The following TBC1D32 variants were observed in gnomAD, a reference collection of about 807,000 sequenced individuals.
TBC1D32 encodes TBC1 domain family member 32.
TBC1D32 carries 151 observed loss-of-function variants against 170.3 expected under a neutral mutation model. The observed-to-expected ratio is 0.89, with a 90% CI of 0.78 to 1.01. TBC1D32 has a LOEUF of 1.01. TBC1D32 is among the 50% of genes least tolerant of loss of function. The probability of loss-of-function intolerance (pLI) is 0.00; values close to 1 mark genes in which losing one functional copy is unlikely to be tolerated. For missense variants in TBC1D32, 1,464 were observed against 1,457.1 expected, an observed-to-expected ratio of 1.00 and a Z score of -0.08; for synonymous variants, 498 against 488.0, an observed-to-expected ratio of 1.02 and a Z score of -0.27.
chr6:121,085,725 G>T (rs571714905), intron 31 of TBC1D32, among the ~76,000 whole-genome samples: 126 of 152,170 alleles, frequency 8.3e-4, no homozygotes, highest in Non-Finnish European at 1.4e-3. Flanking sequence ...CTTAGGACCA[G>T]AGAGTTTATA....
At chr6:121,124,381 A>G (rs998343044) in intron 26 of TBC1D32, among the ~76,000 whole-genome samples, 2 of 151,970 alleles carry the variant, frequency 1.3e-5, no homozygotes, top group African/African-American at 4.8e-5. Flanking sequence ...CTTGTCCTGT[A>G]AAGTATCTGT....
chr6:121,099,532 A>G (rs1205330075), intron 30 of TBC1D32, among the ~76,000 whole-genome samples: 1 of 151,940 alleles, frequency 6.6e-6, no homozygotes, highest in African/African-American at 2.4e-5. Context: ...TTCACTAATC[A>G]ACCAATTCCT....
rs9482132 is a variant in TBC1D32 at position 121,334,438 on chromosome 6, G to A, written c.-8C>T. The A allele has an allele frequency of 5.8e-3, 9,300 of 1,611,884 alleles. 534 individuals are homozygous for A. The African/African-American group carries it at 0.11, about 19-fold the overall frequency. On this transcript the variant is annotated 5_prime_UTR_variant, in exon 1 of 32. Coordinates refer to ENST00000398212, the MANE Select transcript of TBC1D32 (RefSeq NM_152730.6). ...GCTGGAGAAATGGGCCATCCTGTTG[G>A]AATCAAACGTCCACTCTCATTACTC...
At chr6:121,106,838 C>G (rs1778737551) in intron 29 of TBC1D32, among the ~76,000 whole-genome samples, 3 of 151,840 alleles carry the variant, frequency 2.0e-5, no homozygotes, top group Non-Finnish European at 2.9e-5. Flanking sequence ...TGAATATATA[C>G]ACACATCTAT....
chr6:121,289,377 A>G (rs936457214), intron 12 of TBC1D32, among the ~76,000 whole-genome samples: 1 of 152,104 alleles, frequency 6.6e-6, no homozygotes, highest in African/African-American at 2.4e-5. Flanking sequence ...AAACAGCCAA[A>G]TCATGAGTGA....
intron 24 of TBC1D32, among the ~76,000 whole-genome samples, chr6:121,136,042 C>T (rs542263851): frequency 2.6e-5 from 4 of 152,152 alleles, no homozygotes; most frequent in African/African-American, 9.6e-5. Context: ...ACTCCCCTAA[C>T]ATGAATAAAA....
intron 17 of TBC1D32, among the ~76,000 whole-genome samples, chr6:121,250,250 T>C (rs1054640914): frequency 6.6e-6 from 1 of 152,088 alleles, no homozygotes; most frequent in Non-Finnish European, 1.5e-5. Context: ...GCCAGCATCA[T>C]CCTGATACCA....
intron 22 of TBC1D32, among the ~76,000 whole-genome samples, chr6:121,187,102 T>C (rs958852344): frequency 6.6e-6 from 1 of 151,678 alleles, no homozygotes; most frequent in African/African-American, 2.4e-5. Context: ...AGAAAAAAAA[T>C]TGGGGAAGGA....
intron 23 of TBC1D32, among the ~76,000 whole-genome samples, chr6:121,160,449 G>T (rs911367131): frequency 3.4e-5 from 5 of 147,574 alleles, no homozygotes; most frequent in African/African-American, 7.3e-5. Flanking sequence ...ACTTTTTCTC[G>T]TGCTGTCAGT....
chr6:121,249,739 A>G (rs535103224), intron 17 of TBC1D32, among the ~76,000 whole-genome samples: 36 of 151,958 alleles, frequency 2.4e-4, no homozygotes, highest in Admixed American at 1.6e-3. Context: ...AAAAACAAAA[A>G]CCAAAACAAA....
At chr6:121,155,878 T>C (rs1184501786) in intron 24 of TBC1D32, among the ~76,000 whole-genome samples, 1 of 152,058 alleles carries the variant, frequency 6.6e-6, no homozygotes, top group African/African-American at 2.4e-5. Flanking sequence ...GAATTAACTT[T>C]TGCTGCTGGA....
intron 30 of TBC1D32, among the ~76,000 whole-genome samples, chr6:121,100,512 G>A (rs1448822353): frequency 2.0e-5 from 3 of 151,848 alleles, no homozygotes; most frequent in African/African-American, 7.2e-5. Flanking sequence ...ATCCCTTTCA[G>A]AAATAAAGAT....
At chr6:121,215,208 C>G (rs771702774) in intron 21 of TBC1D32, among the ~76,000 whole-genome samples, 3 of 152,218 alleles carry the variant, frequency 2.0e-5, no homozygotes, top group Non-Finnish European at 2.9e-5. Context: ...GGAAAAAGCA[C>G]TGTAAGTCCT....
At chr6:121,250,996 A>G (rs1397290074) in intron 17 of TBC1D32, among the ~76,000 whole-genome samples, 1 of 152,146 alleles carries the variant, frequency 6.6e-6, no homozygotes, top group Non-Finnish European at 1.5e-5. Context: ...CGAGGAAAAT[A>G]AAATACCTAG....
chr6:121,098,192 G>GAATAATAAT (rs150038060), intron 30 of TBC1D32, among the ~76,000 whole-genome samples: 11 of 148,822 alleles, frequency 7.4e-5, no homozygotes, highest in South Asian at 2.1e-4. Flanking sequence ...ACTTAAAGTA[G>GAATAATAAT]AATAATAATA....
intron 12 of TBC1D32, among the ~76,000 whole-genome samples, chr6:121,290,195 C>A (rs9401388): frequency 0.66 from 100,463 of 152,042 alleles, 38,213 homozygotes; most frequent in Non-Finnish European, 0.85. Flanking sequence ...AAGAAACTAC[C>A]ATCAGAGTCA....
chr6:121,280,967 C>T (rs1802906677), intron 14 of TBC1D32, among the ~76,000 whole-genome samples: 1 of 151,948 alleles, frequency 6.6e-6, no homozygotes, highest in East Asian at 1.9e-4. Flanking sequence ...AAACTAGTGA[C>T]AATAGCAACT....
chr6:121,297,948 C>G (rs955057667), intron 10 of TBC1D32, among the ~76,000 whole-genome samples: 1 of 151,966 alleles, frequency 6.6e-6, no homozygotes, highest in African/African-American at 2.4e-5. Flanking sequence ...TCATGCTAAA[C>G]AGGCTGCTAT....
chr6:121,256,019 A>T, intron 16 of TBC1D32, 65 bp downstream of exon 16: 1 of 1,380,826 alleles, frequency 7.2e-7, no homozygotes, highest in South Asian at 1.3e-5. Flanking sequence ...GTACAACACT[A>T]TAATGGTGCT....
Sources: gnomAD v4.1 joint callset for allele counts (sites outside exome capture counted in the v4.1 genomes callset) on GRCh38, gnomAD v4.1.1 for gene constraint, MANE v1.5 for transcripts, NCBI Gene and HGNC (gene_info 2026-07-23, HGNC 2026-07-21) for gene names.